Variants in RPS6KA6 observed in about 807,000 individuals in gnomAD.
The protein encoded by RPS6KA6 is ribosomal protein S6 kinase alpha-6.
A neutral mutation model predicts 65.4 loss-of-function variants in RPS6KA6; 27 were observed. The ratio of observed to expected loss-of-function variants is 0.41; its 90% CI spans 0.30 to 0.57. The LOEUF (loss-of-function observed/expected upper bound fraction) is 0.57. Ranked by LOEUF, RPS6KA6 falls within the 20% of genes least tolerant of loss-of-function variation. The pLI is 0.24. For synonymous variants in RPS6KA6, 190 were observed against 184.2 expected (o/e 1.03, Z -0.26); for missense variants, 486 against 555.6 (o/e 0.87, Z 1.26).
At chrX:84,101,969 T>C (rs2034266892) in intron 18 of RPS6KA6, 68 bp downstream of exon 18, 3 of 877,911 alleles carry the variant, frequency 3.4e-6, no homozygotes, top group Non-Finnish European at 4.6e-6. Flanking sequence ...ATAACATTCA[T>C]ATGGCATCAT....
chrX:84,141,795 C>T (rs775229377), intron 6 of RPS6KA6, among the ~76,000 whole-genome samples: 5 of 111,153 alleles, frequency 4.5e-5, no homozygotes, highest in Non-Finnish European at 7.6e-5. Flanking sequence ...CATATCATAA[C>T]GATGAAGGGG....
chrX:84,150,808 A>C (rs2035287608), intron 3 of RPS6KA6, among the ~76,000 whole-genome samples: 1 of 103,259 alleles, frequency 9.7e-6, no homozygotes, highest in Admixed American at 1.1e-4. Flanking sequence ...TATAGAGAGG[A>C]TATATATAGG....
intron 1 of RPS6KA6, among the ~76,000 whole-genome samples, chrX:84,177,240 A>T (rs1478687449): frequency 8.9e-6 from 1 of 112,181 alleles, no homozygotes; most frequent in African/African-American, 3.2e-5. Flanking sequence ...ATCATTATAC[A>T]ATAGTTGATT....
chrX:84,070,272 T>C (rs1261348907), intron 20 of RPS6KA6, among the ~76,000 whole-genome samples: 12 of 111,553 alleles, frequency 1.1e-4, no homozygotes, highest in Non-Finnish European at 1.5e-4. Context: ...GAAACCATCA[T>C]TGTCAGCAAA....
chrX:84,110,132 C>T (rs1215957967), intron 12 of RPS6KA6, among the ~76,000 whole-genome samples: 1 of 111,991 alleles, frequency 8.9e-6, no homozygotes, highest in Non-Finnish European at 1.9e-5. Flanking sequence ...TCTTCTGTGG[C>T]TATCAGCTAT....
At chrX:84,140,310 G>A (rs940441979) in intron 6 of RPS6KA6, among the ~76,000 whole-genome samples, 2 of 111,217 alleles carry the variant, frequency 1.8e-5, no homozygotes, top group East Asian at 2.9e-4. Context: ...CCAATCTAAC[G>A]AACTTTAAAA....
chrX:84,173,122 T>C (rs1259798756), intron 1 of RPS6KA6, among the ~76,000 whole-genome samples: 1 of 110,728 alleles, frequency 9.0e-6, no homozygotes, highest in African/African-American at 3.3e-5. Flanking sequence ...GTTTCATATA[T>C]ATATTTATAT....
chrX:84,151,213 GATAT>G (rs1195803974), intron 3 of RPS6KA6, among the ~76,000 whole-genome samples: 1 of 88,817 alleles, frequency 1.1e-5, no homozygotes, highest in Non-Finnish European at 2.2e-5. Context: ...AGATATATAG[GATAT>G]ATATAGATAT....
chrX:84,079,640 G>A (rs772830683), intron 20 of RPS6KA6, among the ~76,000 whole-genome samples: 98 of 111,161 alleles, frequency 8.8e-4, no homozygotes, highest in Admixed American at 1.4e-3. Flanking sequence ...CTTGGTGGGG[G>A]GAGGGGCGTC....
chrX:84,062,618 A>G lies in RPS6KA6; in HGVS notation c.*1659T>C, dbSNP rs1033088405. ...TCTCTTTCAATTATTTCCAAAAGAT[A>G]CCTCAAAATAAGAATACATACTTTA... On this transcript the variant is annotated 3_prime_UTR_variant, in exon 22 of 22. Transcript: ENST00000262752. 1 of 111,622 alleles carries G rather than the reference A, an allele frequency of 9.0e-6. No homozygotes were observed. Among genetic ancestry groups the G allele is most frequent in the Non-Finnish European group, 1.9e-5 (1 of 53,040 alleles). 9.2% of individuals were successfully genotyped at this position (111,622 alleles called of 1,213,427 possible).
chrX:84,130,609 C>T (rs1307995531), intron 8 of RPS6KA6, among the ~76,000 whole-genome samples: 1 of 111,649 alleles, frequency 9.0e-6, no homozygotes, highest in Non-Finnish European at 1.9e-5. Flanking sequence ...TCAAATGCCT[C>T]CTCATTGAGG....
chrX:84,110,734 A>G (rs1704364893), intron 12 of RPS6KA6, among the ~76,000 whole-genome samples: 1 of 111,470 alleles, frequency 9.0e-6, no homozygotes, highest in Admixed American at 9.6e-5. Flanking sequence ...CAAAAGTAAT[A>G]TGTGACAGCT....
At chrX:84,093,645 T>C (rs1435637552) in intron 20 of RPS6KA6, among the ~76,000 whole-genome samples, 1 of 112,258 alleles carries the variant, frequency 8.9e-6, no homozygotes, top group Non-Finnish European at 1.9e-5. Context: ...ATAAAATACA[T>C]GGAACACAGA....
chrX:84,116,229 A>G lies in RPS6KA6; in HGVS notation c.1008T>C (p.Asp336=). The G allele has an allele frequency of 8.9e-7, 1 of 1,118,492 alleles. No homozygotes were observed. The allele number at this position is 1,118,492 out of a possible 1,213,427, so 92.2% of individuals were successfully genotyped here. A position where few individuals can be genotyped will look rare whatever the true frequency, so the allele number is the denominator to read the frequency against. Reference sequence around the variant, plus strand: ...ATAACAAGCTTTCTACTTAACTTACATCCCAGTCAATATTTGCAAAAAACA... The same window carrying G: ...ATAACAAGCTTTCTACTTAACTTACGTCCCAGTCAATATTTGCAAAAAACA... ...RHLFFANIDW[D]KLYKREVQPP... The change falls in exon 12 of 22, where the codon GAT becomes GAC. Residue 336 remains aspartate (D), a splice_region_variant and synonymous_variant. Transcript: ENST00000262752.
intron 2 of RPS6KA6, among the ~76,000 whole-genome samples, chrX:84,162,622 A>G (rs187713600): frequency 9.0e-4 from 101 of 112,035 alleles, no homozygotes; most frequent in African/African-American, 3.0e-3. Context: ...ATATTTGCCA[A>G]TCACCCTGTG....
intron 20 of RPS6KA6, among the ~76,000 whole-genome samples, chrX:84,075,521 T>A (rs1402639347): frequency 9.1e-6 from 1 of 110,303 alleles, no homozygotes; most frequent in African/African-American, 3.3e-5. Flanking sequence ...AACCATAAAT[T>A]CACAGATACA....
intron 6 of RPS6KA6, 81 bp from the exon 7 acceptor site, chrX:84,135,291 G>C (rs747941112): frequency 6.5e-6 from 4 of 618,980 alleles, no homozygotes; most frequent in Non-Finnish European, 1.0e-5. Context: ...AAAATGAGTA[G>C]ACAGACAAAT....
At chrX:84,140,920 A>G (rs1162975223) in intron 6 of RPS6KA6, among the ~76,000 whole-genome samples, 1 of 109,358 alleles carries the variant, frequency 9.1e-6, no homozygotes, top group African/African-American at 3.3e-5. Flanking sequence ...TCATAATTCA[A>G]AGAGTCTTTG....
intron 1 of RPS6KA6, among the ~76,000 whole-genome samples, chrX:84,176,079 T>C (rs890058501): frequency 2.7e-5 from 3 of 112,312 alleles, no homozygotes; most frequent in Non-Finnish European, 3.8e-5. Context: ...TATGTCAATA[T>C]TGCATAAACA....
Sources: gnomAD v4.1 joint callset for allele counts (sites outside exome capture counted in the v4.1 genomes callset) on GRCh38, gnomAD v4.1.1 for gene constraint, MANE v1.5 for transcripts, NCBI Gene and HGNC (gene_info 2026-07-23, HGNC 2026-07-21) for gene names.